Variants in CNOT8 observed in about 807,000 individuals in gnomAD.
CNOT8 encodes the protein CAF1-like protein.
Under a neutral mutation model 34.6 loss-of-function variants are expected in CNOT8, and 18 were observed. That is an observed-to-expected ratio of 0.52 (90% CI 0.36 to 0.77). The LOEUF (loss-of-function observed/expected upper bound fraction) is 0.77, where lower values mean the gene tolerates loss of function less well. Among genes scored for constraint, CNOT8 ranks in the 30% least tolerant of loss-of-function variants. The pLI is 0.00. For missense variants in CNOT8, 189 were observed against 347.9 expected, an observed-to-expected ratio of 0.54 and a Z score of 3.63; for synonymous variants, 101 against 118.8, an observed-to-expected ratio of 0.85 and a Z score of 0.98.
At chr5:154,871,088 C>T (rs1168620663) in intron 4 of CNOT8, among the ~76,000 whole-genome samples, 1 of 152,020 alleles carries the variant, frequency 6.6e-6, no homozygotes, top group Non-Finnish European at 1.5e-5. Flanking sequence ...TAGAGGGTCA[C>T]AGTACTTGGT....
intron 3 of CNOT8, among the ~76,000 whole-genome samples, chr5:154,869,623 TG>T (rs1291519815): frequency 2.0e-3 from 251 of 127,730 alleles, no homozygotes; most frequent in Non-Finnish European, 2.9e-3. Context: ...TTTGTTTTTT[TG>T]TGTTTTTTTT....
intron 3 of CNOT8, among the ~76,000 whole-genome samples, chr5:154,868,991 G>T (rs193068905): frequency 1.3e-5 from 2 of 152,192 alleles, no homozygotes; most frequent in Non-Finnish European, 2.9e-5. Flanking sequence ...GCAGCTGCTG[G>T]ATCCCCTGAG....
intron 3 of CNOT8, among the ~76,000 whole-genome samples, chr5:154,869,626 GT>G (rs34726467): frequency 0.56 from 69,802 of 124,048 alleles, 19,205 homozygotes; most frequent in Middle Eastern, 0.65. Context: ...GTTTTTTTGT[GT>G]TTTTTTTTTT....
In CNOT8 at chr5:154,863,379, A is replaced by C; in HGVS notation, c.101A>C (p.Tyr34Ser). The change falls in exon 2 of 7, where the codon TAC (tyrosine) becomes TCC (serine). Residue 34 changes from tyrosine (Y) to serine (S), a missense_variant. Physicochemically the swap from Tyr to Ser is moderately radical, Grantham distance 144. Transcript: ENST00000285896. ...MRKIREIVLS[Y>S]SYIAMDTEFP... ...AAGATCCGAGAAATCGTGCTCAGTT[A>C]CAGTTATATTGCCATGGTAAGGAGC... is the stretch of plus-strand genomic sequence containing the variant. The C allele has an allele frequency of 6.2e-7, 1 of 1,611,630 alleles. No individual in the cohort carries two copies. The highest frequency in any genetic ancestry group is 8.5e-7 in the Non-Finnish European group (1 of 1,177,730).
At chr5:154,872,411 A>G (rs1762570174) in intron 5 of CNOT8, 130 bp from the exon 6 acceptor site, 1 of 548,918 alleles carries the variant, frequency 1.8e-6, no homozygotes, top group East Asian at 3.0e-5. Flanking sequence ...AGAGGTTACT[A>G]AGGCCTGTTA....
At chr5:154,872,087 A>T (rs1191476426) in intron 5 of CNOT8, among the ~76,000 whole-genome samples, 1 of 152,190 alleles carries the variant, frequency 6.6e-6, no homozygotes, top group East Asian at 1.9e-4. Flanking sequence ...CTGTCATCTT[A>T]AGGCAGGCAT....
At chr5:154,867,814 A>C (rs1157265277) in intron 3 of CNOT8, 2 of 173,446 alleles carry the variant, frequency 1.2e-5, no homozygotes, top group Non-Finnish European at 2.5e-5. Context: ...AAAAATTTTT[A>C]ATGTCTTTTT....
chr5:154,866,393 T>C (rs1239481645), intron 3 of CNOT8, among the ~76,000 whole-genome samples: 1 of 152,140 alleles, frequency 6.6e-6, no homozygotes, highest in East Asian at 1.9e-4. Flanking sequence ...GGTGGAGCCA[T>C]TGTTCCTGGA....
In CNOT8 at chr5:154,870,648, C is replaced by A; in HGVS notation, c.312-13C>A. 1 of 1,605,148 alleles carries A rather than the reference C, an allele frequency of 6.2e-7. No homozygotes were observed. Among genetic ancestry groups the A allele is most frequent in the African/African-American group, 1.3e-5 (1 of 74,754 alleles). On this transcript the variant is annotated splice_polypyrimidine_tract_variant and intron_variant, in intron 3 of 6. Transcript: ENST00000285896. ...TTATTCACCAGTTAATAAATAAACACCTTGTTTTTTAGAGAGGACATGTAC... is the reference window on the plus strand; with the variant it reads ...TTATTCACCAGTTAATAAATAAACAACTTGTTTTTTAGAGAGGACATGTAC...
chr5:154,861,337 C>G (rs1761318009), intron 1 of CNOT8, among the ~76,000 whole-genome samples: 1 of 152,118 alleles, frequency 6.6e-6, no homozygotes, highest in Non-Finnish European at 1.5e-5. Flanking sequence ...GGGGGAGATG[C>G]CACATAGTCT....
chr5:154,868,311 C>T (rs1225394517), intron 3 of CNOT8, among the ~76,000 whole-genome samples: 1 of 146,146 alleles, frequency 6.8e-6, no homozygotes, highest in African/African-American at 2.6e-5. Context: ...CTTTGTCACC[C>T]AGGCAGGAGT....
intron 6 of CNOT8, among the ~76,000 whole-genome samples, chr5:154,874,854 T>A (rs1444805143): frequency 6.6e-6 from 1 of 151,878 alleles, no homozygotes; most frequent in Non-Finnish European, 1.5e-5. Context: ...TACTATTAGT[T>A]TTTTTTTCTA....
chr5:154,863,617 G>T (rs1212030443), intron 2 of CNOT8, among the ~76,000 whole-genome samples: 1 of 152,128 alleles, frequency 6.6e-6, no homozygotes, highest in Non-Finnish European at 1.5e-5. Context: ...TTATATGGAT[G>T]GGTTTAGGGA....
chr5:154,865,406 T>G, intron 3 of CNOT8, 21 bp downstream of exon 3: 1 of 1,550,238 alleles, frequency 6.5e-7, no homozygotes, highest in Non-Finnish European at 8.7e-7. Flanking sequence ...TCTAAATAAA[T>G]GCGTTAATTT....
intron 1 of CNOT8, chr5:154,859,407 G>C (rs1457049009): frequency 6.6e-6 from 1 of 152,152 alleles, no homozygotes; most frequent in Non-Finnish European, 1.5e-5. Flanking sequence ...GAATGGAGGA[G>C]CCAACTCACA....
intron 1 of CNOT8, among the ~76,000 whole-genome samples, chr5:154,860,792 AC>A (rs1478086319): frequency 3.3e-5 from 5 of 152,184 alleles, no homozygotes; most frequent in African/African-American, 1.2e-4. Context: ...AAAATGGCTT[AC>A]ATATTTTTGC....
intron 1 of CNOT8, chr5:154,859,561 C>T (rs970286597): frequency 6.6e-6 from 1 of 152,232 alleles, no homozygotes; most frequent in African/African-American, 2.4e-5. Flanking sequence ...CGTGCCACTT[C>T]CTTTTCTATC....
chr5:154,863,408 A>C lies in CNOT8; in HGVS notation c.117+13A>C. On this transcript the variant is annotated intron_variant, in intron 2 of 6. Coordinates refer to ENST00000285896, the MANE Select transcript of CNOT8 (RefSeq NM_001301073.2). ...TTATATTGCCATGGTAAGGAGCTCT[A>C]CTCTGACTCACCTTCTTTGTCACTT... The C allele has an allele frequency of 6.4e-7, 1 of 1,553,188 alleles. No individual in the cohort carries two copies. Among genetic ancestry groups the C allele is most frequent in the Non-Finnish European group, 8.9e-7 (1 of 1,124,718 alleles).
chr5:154,859,479 T>G (rs955633077), intron 1 of CNOT8: 3 of 152,232 alleles, frequency 2.0e-5, no homozygotes, highest in African/African-American at 7.2e-5. Flanking sequence ...GGGCAGTGCC[T>G]TGAGACACTG....
Sources: gnomAD v4.1 joint callset for allele counts (sites outside exome capture counted in the v4.1 genomes callset) on GRCh38, gnomAD v4.1.1 for gene constraint, MANE v1.5 for transcripts, NCBI Gene and HGNC (gene_info 2026-07-23, HGNC 2026-07-21) for gene names.